Variants in ZC3H12C observed in about 807,000 individuals in gnomAD.
ZC3H12C encodes probable ribonuclease ZC3H12C.
ZC3H12C carries 20 observed loss-of-function variants against 76.3 expected under a neutral mutation model. The ratio of observed to expected loss-of-function variants is 0.26; its 90% CI spans 0.18 to 0.38. ZC3H12C has a LOEUF of 0.38. ZC3H12C is among the 10% of genes least tolerant of loss of function. The pLI is 1.00. For synonymous variants in ZC3H12C, 352 were observed against 399.6 expected (o/e 0.88, Z 1.42); for missense variants, 874 against 1,086.5 (o/e 0.80, Z 2.75).
rs928311195 is a variant in ZC3H12C, at chr11:110,169,555, C to T, written c.*3818C>T. On this transcript the variant is annotated 3_prime_UTR_variant, in exon 6 of 6. Transcript: ENST00000278590. ...GTGCACCCATTTTATTGTCATCTAA[C>T]TCCTGGAGAATTCCCACGTGACCTG... 1 of 152,178 alleles carries T rather than the reference C, an allele frequency of 6.6e-6. No homozygotes were observed. Among genetic ancestry groups the T allele is most frequent in the African/African-American group, 2.4e-5 (1 of 41,454 alleles). The allele number at this position is 152,178 out of a possible 1,614,324, so 9.4% of individuals were successfully genotyped here.
intron 2 of ZC3H12C, among the ~76,000 whole-genome samples, chr11:110,137,843 G>GA (rs974580873): frequency 2.6e-5 from 4 of 152,090 alleles, no homozygotes; most frequent in East Asian, 1.9e-4. Context: ...ATTGATTTGA[G>GA]AAAAAACCAA....
At chr11:110,149,392 G>C (rs774173645) in intron 2 of ZC3H12C, among the ~76,000 whole-genome samples, 1 of 152,266 alleles carries the variant, frequency 6.6e-6, no homozygotes, top group South Asian at 2.1e-4. Flanking sequence ...ATCTAATTTC[G>C]AGTTCCTGTG....
At chr11:110,154,540 A>G (rs1489677834) in intron 3 of ZC3H12C, among the ~76,000 whole-genome samples, 1 of 152,140 alleles carries the variant, frequency 6.6e-6, no homozygotes, top group African/African-American at 2.4e-5. Context: ...AATATTGGAT[A>G]ACCCTTTGGG....
At chr11:110,118,003 T>TTA (rs1491465726) in intron 1 of ZC3H12C, among the ~76,000 whole-genome samples, 2 of 116,366 alleles carry the variant, frequency 1.7e-5, no homozygotes, top group South Asian at 2.6e-4. Context: ...CACATATATA[T>TTA]TATATATATA....
chr11:110,158,770 A>G (rs1285644888), intron 3 of ZC3H12C, among the ~76,000 whole-genome samples: 3 of 152,320 alleles, frequency 2.0e-5, no homozygotes, highest in African/African-American at 7.2e-5. Flanking sequence ...TGCTACCTGG[A>G]CAACTTCTAC....
chr11:110,141,311 C>T (rs1031661506), intron 2 of ZC3H12C, among the ~76,000 whole-genome samples: 1 of 152,062 alleles, frequency 6.6e-6, no homozygotes, highest in Non-Finnish European at 1.5e-5. Flanking sequence ...GAACTAAGCC[C>T]ATATATTTAT....
Position 110,136,724 on chromosome 11 carries a change from G to GT in ZC3H12C, c.84dup (p.Asn29Ter). On this transcript the variant is annotated frameshift_variant, in exon 2 of 6. Transcript: ENST00000278590. LOFTEE classifies it high-confidence loss of function. ...AACAGCAAAGTGGAGTCAAGTACAC[G>GT]TAACAACTTCATGGGCTTGAAGGAT... is the stretch of plus-strand genomic sequence containing the variant. The GT allele has an allele frequency of 6.2e-7, 1 of 1,613,948 alleles. No individual in the cohort carries two copies. The highest frequency in any genetic ancestry group is 8.5e-7 in the Non-Finnish European group (1 of 1,179,866).
intron 2 of ZC3H12C, among the ~76,000 whole-genome samples, chr11:110,152,430 G>A (rs570531284): frequency 3.3e-5 from 5 of 152,300 alleles, no homozygotes; most frequent in Non-Finnish European, 7.3e-5. Flanking sequence ...ACCTGATAAA[G>A]TTTGTGCAGT....
chr11:110,164,985 T>C lies in ZC3H12C; in HGVS notation c.1900T>C (p.Cys634Arg). 1 of 1,614,060 alleles carries C rather than the reference T, an allele frequency of 6.2e-7. No individual in the cohort carries two copies. The highest frequency in any genetic ancestry group is 8.5e-7 in the Non-Finnish European group (1 of 1,179,906). Reference protein sequence around the residue: ...SDCSSEGSMSCGSSDSYVGYN... With the variant: ...SDCSSEGSMSRGSSDSYVGYN... ...CTGCAGCAGTGAAGGGAGCATGAGC[T>C]GTGGGAGCAGTGACTCCTACGTGGG... The change falls in exon 6 of 6, where the codon TGT becomes CGT. Residue 634 changes from cysteine (C) to arginine (R), a missense_variant. Physicochemically the swap from Cys to Arg is radical, Grantham distance 180. Coordinates refer to ENST00000278590, the MANE Select transcript of ZC3H12C (RefSeq NM_033390.2). The surrounding 1 kb of genome is among the most constrained non-coding windows in gnomAD (Gnocchi z 5.7).
chr11:110,108,849 C>T (rs1046669359), intron 1 of ZC3H12C, among the ~76,000 whole-genome samples: 1 of 152,160 alleles, frequency 6.6e-6, no homozygotes, highest in Non-Finnish European at 1.5e-5. Context: ...TCTTCTCAGC[C>T]ACTCAAATCA....
At chr11:110,099,532 C>G (rs1189799854) in intron 1 of ZC3H12C, among the ~76,000 whole-genome samples, 1 of 152,026 alleles carries the variant, frequency 6.6e-6, no homozygotes. Flanking sequence ...CCTAAAATCT[C>G]CTTACTGAGA....
chr11:110,114,165 G>T (rs1335290522), intron 1 of ZC3H12C, among the ~76,000 whole-genome samples: 3 of 152,062 alleles, frequency 2.0e-5, no homozygotes, highest in African/African-American at 7.2e-5. Flanking sequence ...CATCTCTCAC[G>T]CCTCTGGACC....
chr11:110,144,502 C>T (rs770519080), intron 2 of ZC3H12C, among the ~76,000 whole-genome samples: 5 of 152,080 alleles, frequency 3.3e-5, no homozygotes, highest in African/African-American at 4.8e-5. Flanking sequence ...ATGTTATTTT[C>T]GGTATCTTCA....
At chr11:110,093,604 C>G (rs933104381) in intron 1 of ZC3H12C, among the ~76,000 whole-genome samples, 172 bp downstream of exon 1, 2 of 151,686 alleles carry the variant, frequency 1.3e-5, no homozygotes, top group South Asian at 2.1e-4. Flanking sequence ...CTCCGGAGGT[C>G]GAGTCACCGA....
Position 110,156,086 on chromosome 11 carries a change from T to C in ZC3H12C, c.913+3028T>C, listed in dbSNP as rs1862372667. Reference sequence around the variant, plus strand: ...GAACACATCAGTATGCAGATTGCTTTATAAAATGCCAAACTAATGGCAGAG... The same window carrying C: ...GAACACATCAGTATGCAGATTGCTTCATAAAATGCCAAACTAATGGCAGAG... On this transcript the variant is annotated intron_variant, in intron 3 of 5. Transcript: ENST00000278590. Among the ~76,000 whole-genome samples, 6 of 152,140 alleles carry C rather than the reference T, an allele frequency of 3.9e-5. No individual in the cohort carries two copies. The South Asian group carries it at 1.2e-3, about 32-fold the overall frequency.
Position 110,165,096 on chromosome 11 carries a change from C to T in ZC3H12C, c.2011C>T (p.Leu671Phe). The change falls in exon 6 of 6, where the codon CTT (leucine) becomes TTT (phenylalanine). Residue 671 changes from leucine to phenylalanine, a missense_variant. Coordinates refer to ENST00000278590, the MANE Select transcript of ZC3H12C (RefSeq NM_033390.2). ...KCQHMHPHSRLNPQPFLQNFH... is the reference protein window; with the variant it reads ...KCQHMHPHSRFNPQPFLQNFH... ...TCAACACATGCACCCTCACAGCCGCCTTAATCCTCAACCGTTCCTGCAGAA... is the reference window on the plus strand; with the variant it reads ...TCAACACATGCACCCTCACAGCCGCTTTAATCCTCAACCGTTCCTGCAGAA... 1 of 1,613,798 alleles carries T rather than the reference C, an allele frequency of 6.2e-7. No individual in the cohort carries two copies. The highest frequency in any genetic ancestry group is 8.5e-7 in the Non-Finnish European group (1 of 1,179,898).
Position 110,106,222 on chromosome 11 carries a change from C to T in ZC3H12C, c.21+12790C>T, listed in dbSNP as rs1349985200. 1.4e-3 allele frequency among the ~76,000 whole-genome samples: 23 copies of T among 16,958 alleles called. 10 individuals carry two copies. Among genetic ancestry groups the T allele is most frequent in the African/African-American group, 6.1e-3 (23 of 3,744 alleles). 11.1% of individuals were successfully genotyped at this position (16,958 alleles called of 152,430 possible). On this transcript the variant is annotated intron_variant, in intron 1 of 5. Transcript: ENST00000278590. ...GGCGGAGCTTGCAGTGAGCCGAGAT[C>T]GCGCCACTGCACTCCAGCCTGGGCG...
intron 1 of ZC3H12C, among the ~76,000 whole-genome samples, chr11:110,122,568 A>AT (rs1230460400): frequency 1.3e-5 from 2 of 152,178 alleles, no homozygotes. Context: ...TCACCTTAAG[A>AT]TTTTCAACTT....
intron 1 of ZC3H12C, among the ~76,000 whole-genome samples, chr11:110,115,685 C>T (rs921410912): frequency 4.6e-5 from 7 of 151,902 alleles, no homozygotes; most frequent in Non-Finnish European, 2.9e-5. Flanking sequence ...TCCTTCCACC[C>T]CTGCATCCCA....
Sources: allele counts gnomAD v4.1 joint callset (sites outside exome capture counted in the v4.1 genomes callset), GRCh38; gene constraint gnomAD v4.1.1; non-coding constraint Gnocchi (gnomAD v3.1); transcripts MANE v1.5; gene names NCBI Gene and HGNC (gene_info 2026-07-23, HGNC 2026-07-21).